SLC24A2: variants seen among roughly 807,000 people sequenced by gnomAD.
The protein encoded by SLC24A2 is solute carrier family 24 member 2.
A neutral mutation model predicts 62.0 loss-of-function variants in SLC24A2; 36 were observed. The ratio of observed to expected loss-of-function variants is 0.58; its 90% CI spans 0.44 to 0.77. The LOEUF (loss-of-function observed/expected upper bound fraction) is 0.77, where lower values mean the gene tolerates loss of function less well. SLC24A2 is among the 30% of genes least tolerant of loss of function. SLC24A2 has a pLI of 0.00. For synonymous variants in SLC24A2, 358 were observed against 294.0 expected (o/e 1.22, Z -2.23); for missense variants, 846 against 817.9 (o/e 1.03, Z -0.42).
At chr9:19,645,058 T>C (rs1435496536) in intron 2 of SLC24A2, among the ~76,000 whole-genome samples, 1 of 152,224 alleles carries the variant, frequency 6.6e-6, no homozygotes, top group African/African-American at 2.4e-5. Flanking sequence ...CTATTTTGTA[T>C]AGCTTTTTTT....
Position 19,618,139 on chromosome 9 carries a change from T to C in SLC24A2, c.1078+1445A>G, listed in dbSNP as rs1344609880. Among the ~76,000 whole-genome samples, 5 of 152,216 alleles carry C rather than the reference T, an allele frequency of 3.3e-5. No individual in the cohort carries two copies. The East Asian group carries it at 5.8e-4, about 18-fold the overall frequency. On this transcript the variant is annotated intron_variant, in intron 4 of 10. Coordinates refer to ENST00000341998, the MANE Select transcript of SLC24A2 (RefSeq NM_020344.4). ...CCAAAGATAACTATTAATATTACTA[T>C]AGATGATGAAACCAAATACTAGAGA...
intron 2 of SLC24A2, among the ~76,000 whole-genome samples, chr9:19,622,738 AAAAAAATTCTG>A (rs1456042285): frequency 6.6e-6 from 1 of 152,208 alleles, no homozygotes; most frequent in East Asian, 1.9e-4. Context: ...GCATATAAAG[AAAAAAATTCTG>A]AAAGAATGAT....
the SLC24A2 span, among the ~76,000 whole-genome samples, chr9:19,922,722 C>G: frequency 6.6e-6 from 1 of 152,000 alleles, no homozygotes. Context: ...AATATGGAAG[C>G]GCTGAAAGGA....
the SLC24A2 span, among the ~76,000 whole-genome samples, chr9:20,111,969 A>C: frequency 6.6e-6 from 1 of 152,186 alleles, no homozygotes; most frequent in African/African-American, 2.4e-5. Context: ...ATTTGGAAGA[A>C]ACAGAGGAAA....
At chr9:20,068,139 C>T in the SLC24A2 span, among the ~76,000 whole-genome samples, 2 of 145,358 alleles carry the variant, frequency 1.4e-5, no homozygotes, top group African/African-American at 2.6e-5. Context: ...TCTTGGCTCA[C>T]TGCAGCCTCC....
At chr9:19,529,838 C>T (rs1220345610) in intron 8 of SLC24A2, among the ~76,000 whole-genome samples, 6 of 151,230 alleles carry the variant, frequency 4.0e-5, no homozygotes, top group Non-Finnish European at 7.4e-5. Context: ...GCAACCTCTG[C>T]CTCCTGGGTC....
the SLC24A2 span, among the ~76,000 whole-genome samples, chr9:20,234,436 T>A: frequency 6.6e-6 from 1 of 152,212 alleles, no homozygotes. Flanking sequence ...CTTTTTATTC[T>A]TTTTTCTCTA....
chr9:20,187,774 C>T, the SLC24A2 span, among the ~76,000 whole-genome samples: 1 of 152,162 alleles, frequency 6.6e-6, no homozygotes, highest in African/African-American at 2.4e-5. Context: ...CTTCTCAGAC[C>T]ACACCATAAT....
At chr9:20,088,401 C>G in the SLC24A2 span, among the ~76,000 whole-genome samples, 2 of 152,152 alleles carry the variant, frequency 1.3e-5, no homozygotes, top group African/African-American at 4.8e-5. Context: ...CTGGAGCAGT[C>G]CTCCGACACA....
the SLC24A2 span, among the ~76,000 whole-genome samples, chr9:20,058,864 G>A: frequency 9.9e-5 from 15 of 152,198 alleles, no homozygotes; most frequent in Non-Finnish European, 1.0e-4. Context: ...CTTTTATTCC[G>A]ATAGAATAAC....
chr9:19,571,197 T>C (rs2132838438), intron 7 of SLC24A2, among the ~76,000 whole-genome samples: 1 of 152,202 alleles, frequency 6.6e-6, no homozygotes, highest in South Asian at 2.1e-4. Flanking sequence ...CATGTGGACA[T>C]AAGCTGCTCT....
At chr9:19,526,902 C>A (rs1002779425) in intron 9 of SLC24A2, among the ~76,000 whole-genome samples, 1 of 152,052 alleles carries the variant, frequency 6.6e-6, no homozygotes, top group African/African-American at 2.4e-5. Context: ...GGTATTGTAT[C>A]AAAGAACTCT....
intron 2 of SLC24A2, among the ~76,000 whole-genome samples, chr9:19,635,008 G>A (rs1818275697): frequency 6.6e-6 from 1 of 152,174 alleles, no homozygotes; most frequent in Non-Finnish European, 1.5e-5. Flanking sequence ...TCTGGTTCCA[G>A]ACAGTAGCTG....
the SLC24A2 span, among the ~76,000 whole-genome samples, chr9:19,986,852 TTAGA>T: frequency 1.3e-5 from 2 of 152,114 alleles, no homozygotes; most frequent in South Asian, 2.1e-4. Flanking sequence ...TGTGTTGGAA[TTAGA>T]TAGAGGTGGT....
the SLC24A2 span, among the ~76,000 whole-genome samples, chr9:19,815,948 A>AT: frequency 5.5e-4 from 52 of 95,000 alleles, no homozygotes; most frequent in African/African-American, 1.8e-3. Flanking sequence ...TTATCCATGT[A>AT]TTTTTTGCCC....
the SLC24A2 span, among the ~76,000 whole-genome samples, chr9:20,226,837 G>A: frequency 6.6e-6 from 1 of 152,150 alleles, no homozygotes; most frequent in Non-Finnish European, 1.5e-5. Flanking sequence ...ACCCCTACGG[G>A]GAAACCTGAC....
chr9:20,062,465 C>T, the SLC24A2 span, among the ~76,000 whole-genome samples: 1 of 113,058 alleles, frequency 8.8e-6, no homozygotes, highest in Non-Finnish European at 1.7e-5. Flanking sequence ...TGGATTCCTT[C>T]CTTACACCTT....
chr9:20,015,522 G>A, the SLC24A2 span, among the ~76,000 whole-genome samples: 4 of 152,286 alleles, frequency 2.6e-5, no homozygotes, highest in African/African-American at 4.8e-5. Flanking sequence ...CTTCACTTCC[G>A]CTTTCCAATT....
At chr9:19,873,658 G>C in the SLC24A2 span, among the ~76,000 whole-genome samples, 2 of 151,024 alleles carry the variant, frequency 1.3e-5, no homozygotes, top group Middle Eastern at 3.2e-3. Context: ...ATTCAGAAGA[G>C]AAGCTTCACC....
Sources: gnomAD v4.1 joint callset for allele counts (sites outside exome capture counted in the v4.1 genomes callset) on GRCh38, gnomAD v4.1.1 for gene constraint, MANE v1.5 for transcripts, NCBI Gene and HGNC (gene_info 2026-07-23, HGNC 2026-07-21) for gene names.